Variants in PARD3 observed in about 807,000 individuals in gnomAD.
The protein encoded by PARD3 is par-3 family cell polarity regulator, also known as partitioning defective 3 homolog.
In PARD3, 75 loss-of-function variants were observed where a neutral mutation model predicts 155.4. The observed-to-expected ratio is 0.48, with a 90% CI of 0.40 to 0.58. PARD3 has a LOEUF of 0.58. Among genes scored for constraint, PARD3 ranks in the 20% least tolerant of loss-of-function variants. The probability of loss-of-function intolerance (pLI) is 0.00; values close to 1 mark genes in which losing one functional copy is unlikely to be tolerated. For synonymous variants in PARD3, 576 were observed against 610.5 expected (o/e 0.94, Z 0.83); for missense variants, 1,642 against 1,721.7 (o/e 0.95, Z 0.82).
intron 21 of PARD3, among the ~76,000 whole-genome samples, chr10:34,276,023 G>C (rs1955860916): frequency 6.6e-6 from 1 of 152,036 alleles, no homozygotes; most frequent in African/African-American, 2.4e-5. Context: ...AAACATTTCA[G>C]TAAGTCCTTC....
chr10:34,198,482 GTGTGTA>G (rs1229319437), intron 22 of PARD3, among the ~76,000 whole-genome samples: 15 of 148,376 alleles, frequency 1.0e-4, no homozygotes, highest in Admixed American at 7.3e-4. Flanking sequence ...GTGTGTGTGT[GTGTGTA>G]TGTGTGTGTG....
At chr10:34,520,062 C>A (rs1341561837) in intron 2 of PARD3, among the ~76,000 whole-genome samples, 1 of 151,970 alleles carries the variant, frequency 6.6e-6, no homozygotes, top group Non-Finnish European at 1.5e-5. Context: ...TTTTCAAGGC[C>A]AACACTTGTC....
intron 2 of PARD3, among the ~76,000 whole-genome samples, chr10:34,581,814 G>A (rs924639700): frequency 3.3e-5 from 5 of 152,166 alleles, no homozygotes; most frequent in African/African-American, 2.4e-5. Context: ...GATTTCATTC[G>A]TGGTGGATGA....
At chr10:34,231,977 G>C (rs1455316100) in intron 22 of PARD3, among the ~76,000 whole-genome samples, 6 of 152,080 alleles carry the variant, frequency 3.9e-5, no homozygotes, top group Non-Finnish European at 7.3e-5. Flanking sequence ...CAAACTAAGA[G>C]ATAACTTACA....
At chr10:34,234,511 T>G (rs1429284647) in intron 22 of PARD3, among the ~76,000 whole-genome samples, 1 of 152,204 alleles carries the variant, frequency 6.6e-6, no homozygotes, top group African/African-American at 2.4e-5. Flanking sequence ...AGCCTTTTGC[T>G]TTGTCCACAT....
At chr10:34,799,590 C>T (rs1010610993) in intron 1 of PARD3, among the ~76,000 whole-genome samples, 3 of 152,180 alleles carry the variant, frequency 2.0e-5, no homozygotes, top group Admixed American at 6.6e-5. Context: ...TCTTCTCCCG[C>T]GGGATCACTT....
At chr10:34,749,741 C>A (rs546315591) in intron 1 of PARD3, among the ~76,000 whole-genome samples, 1 of 151,962 alleles carries the variant, frequency 6.6e-6, no homozygotes, top group Non-Finnish European at 1.5e-5. Flanking sequence ...ATATATAAGG[C>A]CAGGCACAGT....
At chr10:34,169,297 T>A (rs542128402) in intron 22 of PARD3, among the ~76,000 whole-genome samples, 1 of 152,190 alleles carries the variant, frequency 6.6e-6, no homozygotes, top group African/African-American at 2.4e-5. Context: ...TAGAGCACAG[T>A]GAAAGAATAA....
chr10:34,269,590 A>G, intron 22 of PARD3, 67 bp downstream of exon 22: 2 of 1,560,548 alleles, frequency 1.3e-6, no homozygotes, highest in African/African-American at 1.4e-5. Flanking sequence ...TGAATGGTCT[A>G]CTCCCCTGTC....
At chr10:34,497,594 T>C (rs563438104) in intron 3 of PARD3, among the ~76,000 whole-genome samples, 13 of 152,344 alleles carry the variant, frequency 8.5e-5, no homozygotes, top group African/African-American at 2.9e-4. Flanking sequence ...TTTTCTGCAC[T>C]ACAGTGTAAT....
intron 1 of PARD3, among the ~76,000 whole-genome samples, chr10:34,732,019 T>C (rs2094827179): frequency 6.6e-6 from 1 of 152,208 alleles, no homozygotes; most frequent in Non-Finnish European, 1.5e-5. Flanking sequence ...GAATCACAGC[T>C]ATTAATCTTT....
At chr10:34,767,288 G>C (rs185927967) in intron 1 of PARD3, among the ~76,000 whole-genome samples, 7 of 152,266 alleles carry the variant, frequency 4.6e-5, no homozygotes, top group African/African-American at 1.2e-4. Flanking sequence ...AATAAAACAA[G>C]ATCACGAGAT....
intron 22 of PARD3, among the ~76,000 whole-genome samples, chr10:34,250,956 C>T (rs980184211): frequency 2.6e-5 from 4 of 152,184 alleles, no homozygotes; most frequent in Non-Finnish European, 5.9e-5. Context: ...GAATCTGACT[C>T]CAGGCCTGAG....
At chr10:34,659,361 G>A (rs75937987) in intron 2 of PARD3, among the ~76,000 whole-genome samples, 1,734 of 152,096 alleles carry the variant, frequency 0.011, 36 homozygotes, top group African/African-American at 0.04. Context: ...AAAGTAGAGA[G>A]GATAATTTAT....
At chr10:34,505,449 T>C (rs1296066919) in intron 3 of PARD3, among the ~76,000 whole-genome samples, 1 of 152,024 alleles carries the variant, frequency 6.6e-6, no homozygotes. Context: ...TTTCATCAGG[T>C]TTTGAATGAT....
At chr10:34,137,693 T>G (rs754410897) in intron 22 of PARD3, among the ~76,000 whole-genome samples, 1 of 152,170 alleles carries the variant, frequency 6.6e-6, no homozygotes, top group Non-Finnish European at 1.5e-5. Context: ...GCTCCTGACT[T>G]CTACCATAAC....
At chr10:34,588,219 A>G (rs898750102) in intron 2 of PARD3, among the ~76,000 whole-genome samples, 1 of 152,206 alleles carries the variant, frequency 6.6e-6, no homozygotes, top group Admixed American at 6.5e-5. Context: ...CAGAAATGTA[A>G]GATAACATCT....
intron 15 of PARD3, chr10:34,346,144 T>G: frequency 1.9e-6 from 2 of 1,026,040 alleles, no homozygotes; most frequent in Non-Finnish European, 2.3e-6. Context: ...ATCTGGAGTT[T>G]TAAGAGTTCA....
chr10:34,359,281 C>T lies in PARD3; in HGVS notation c.1933G>A (p.Val645Ile). The change falls in exon 14 of 25, where the codon GTA (valine) becomes ATA (isoleucine). Residue 645 changes from valine (V) to isoleucine (I), a missense_variant. Val to Ile is a conservative substitution (Grantham distance 29). Coordinates refer to ENST00000374788, the MANE Select transcript of PARD3 (RefSeq NM_001184785.2). Reference sequence around the variant, plus strand: ...TTGCCCAACAGGGATTCTCCATTTACTGCTATCAGTTGATCATTCACCCGA... The same window carrying T: ...TTGCCCAACAGGGATTCTCCATTTATTGCTATCAGTTGATCATTCACCCGA... ...RLRVNDQLIA[V>I]NGESLLGKTN... 1.9e-6 allele frequency: 3 copies of T among 1,613,926 alleles called. No individual in the cohort carries two copies. The highest frequency in any genetic ancestry group is 2.5e-6 in the Non-Finnish European group (3 of 1,179,910).
Sources: allele counts gnomAD v4.1 joint callset (sites outside exome capture counted in the v4.1 genomes callset), GRCh38; gene constraint gnomAD v4.1.1; transcripts MANE v1.5; gene names NCBI Gene and HGNC (gene_info 2026-07-23, HGNC 2026-07-21).